Variants in PPP3CC observed in about 807,000 individuals in gnomAD.
The protein encoded by PPP3CC is protein phosphatase 3 catalytic subunit gamma.
A neutral mutation model predicts 60.3 loss-of-function variants in PPP3CC; 35 were observed. The observed-to-expected ratio is 0.58, with a 90% CI of 0.44 to 0.77. The LOEUF (loss-of-function observed/expected upper bound fraction) is 0.77. PPP3CC is among the 30% of genes least tolerant of loss of function. The probability of loss-of-function intolerance (pLI) is 0.00; values close to 1 mark genes in which losing one functional copy is unlikely to be tolerated. For missense variants in PPP3CC, 570 were observed against 628.9 expected (o/e 0.91, Z 1.00); for synonymous variants, 206 against 224.3 (o/e 0.92, Z 0.73).
intron 3 of PPP3CC, chr8:22,492,682 G>A (rs1586829950): frequency 1.2e-6 from 1 of 812,722 alleles, no homozygotes. Flanking sequence ...GCATTGGTGG[G>A]AAAGAAATGG....
intron 3 of PPP3CC, among the ~76,000 whole-genome samples, chr8:22,482,290 A>T (rs1484561153): frequency 1.3e-5 from 2 of 152,224 alleles, no homozygotes; most frequent in Middle Eastern, 3.4e-3. Context: ...ACCAGTGATG[A>T]TGAGCTTTTT....
At chr8:22,475,434 T>G in intron 2 of PPP3CC, 66 bp from the exon 3 acceptor site, 1 of 1,500,236 alleles carries the variant, frequency 6.7e-7, no homozygotes, top group Non-Finnish European at 9.1e-7. Context: ...TGTGATCCCT[T>G]TTGGTGTAAT....
In PPP3CC at chr8:22,479,108, G is replaced by A. The variant is rs537553977; in HGVS notation, c.372+3484G>A. ...TATAGGCTATAGCTTACTCTAACAT[G>A]TTGCAAGTATACACTTGAAAAATAA... On this transcript the variant is annotated intron_variant, in intron 3 of 13. Coordinates refer to ENST00000240139, the MANE Select transcript of PPP3CC (RefSeq NM_005605.5). 2.7e-4 allele frequency among the ~76,000 whole-genome samples: 41 copies of A among 152,162 alleles called. No individual in the cohort carries two copies. In the South Asian group the frequency reaches 8.3e-3, roughly 31 times the overall value.
chr8:22,457,439 A>G (rs1381675278), intron 1 of PPP3CC, among the ~76,000 whole-genome samples: 2 of 151,830 alleles, frequency 1.3e-5, no homozygotes, highest in Admixed American at 1.3e-4. Flanking sequence ...AGTAGCTGGG[A>G]CTACAGGTGC....
chr8:22,473,586 C>A (rs1243980216), intron 1 of PPP3CC, among the ~76,000 whole-genome samples: 1 of 151,866 alleles, frequency 6.6e-6, no homozygotes, highest in African/African-American at 2.4e-5. Flanking sequence ...GCCTCAGCCT[C>A]CCAGGTAGCT....
In PPP3CC at chr8:22,541,015, CTTT is replaced by C; in HGVS notation, c.*217_*219del. The C allele has an allele frequency of 2.8e-6, 1 of 351,650 alleles. No homozygotes were observed. The highest frequency in any genetic ancestry group is 5.0e-6 in the Non-Finnish European group (1 of 201,674). The allele number at this position is 351,650 out of a possible 1,614,324, so 21.8% of individuals were successfully genotyped here. ...AAAAGTGCATCTGTTTTGTTTTTCC[CTTT>C]TTTCTCCATAATTTTAAGAAATGAA... On this transcript the variant is annotated 3_prime_UTR_variant, in exon 14 of 14. Coordinates refer to ENST00000240139, the MANE Select transcript of PPP3CC (RefSeq NM_005605.5).
intron 4 of PPP3CC, among the ~76,000 whole-genome samples, chr8:22,506,670 A>C (rs2443497): frequency 0.33 from 50,301 of 151,956 alleles, 10,020 homozygotes; most frequent in East Asian, 0.6. Context: ...GGCCAGGCAC[A>C]GTGGCTCACG....
chr8:22,512,582 C>G (rs1331678334), intron 5 of PPP3CC, among the ~76,000 whole-genome samples: 1 of 152,114 alleles, frequency 6.6e-6, no homozygotes, highest in Non-Finnish European at 1.5e-5. Context: ...TGAACAGAAC[C>G]ATTGTAAAAC....
chr8:22,522,055 G>GT, intron 6 of PPP3CC, among the ~76,000 whole-genome samples: 1 of 151,668 alleles, frequency 6.6e-6, no homozygotes, highest in South Asian at 2.1e-4. Context: ...CTGTGAAGCT[G>GT]TAAGTATATT....
intron 3 of PPP3CC, among the ~76,000 whole-genome samples, chr8:22,483,997 A>T (rs1586820717): frequency 6.7e-6 from 1 of 149,638 alleles, no homozygotes; most frequent in Non-Finnish European, 1.5e-5. Flanking sequence ...GTGTGCTACC[A>T]CACTTGGCTA....
chr8:22,516,620 CCTCA>C (rs1245513091), intron 6 of PPP3CC, among the ~76,000 whole-genome samples: 1 of 152,236 alleles, frequency 6.6e-6, no homozygotes, highest in Non-Finnish European at 1.5e-5. Context: ...ATTTGAGTCA[CCTCA>C]CTCACATGTT....
At position 22,475,597 on chromosome 8, in the gene PPP3CC, T is replaced by A; in HGVS notation, c.345T>A (p.Tyr115Ter). The A allele has an allele frequency of 6.2e-7, 1 of 1,613,478 alleles. No individual in the cohort carries two copies. Among genetic ancestry groups the A allele is most frequent in the South Asian group, 1.1e-5 (1 of 91,054 alleles). The change falls in exon 3 of 14, where the codon TAT becomes TAA. Residue 115 changes from tyrosine (Y) to a stop codon, truncating the protein, a stop_gained. Transcript: ENST00000240139. LOFTEE classifies it high-confidence loss of function. ...SNTRYLFLGD[Y>*]VDRGYFSIEC... The stretch of plus-strand genomic sequence containing the variant: ...CACGCTACCTCTTTCTGGGTGACTA[T>A]GTGGACAGAGGCTATTTCAGTATAG...
intron 1 of PPP3CC, among the ~76,000 whole-genome samples, chr8:22,457,033 C>T (rs1586790723): frequency 9.5e-6 from 1 of 105,320 alleles, no homozygotes. Flanking sequence ...CCCTTCCTCC[C>T]TTCCTCCCTC....
At chr8:22,488,304 TTA>T (rs1478081236) in intron 3 of PPP3CC, among the ~76,000 whole-genome samples, 1 of 152,230 alleles carries the variant, frequency 6.6e-6, no homozygotes, top group Non-Finnish European at 1.5e-5. Context: ...ACAAGGTTAT[TTA>T]TATGTGTCTA....
chr8:22,513,332 T>G lies in PPP3CC; in HGVS notation c.670T>G (p.Cys224Gly). Residue 224 changes from cysteine to glycine, a missense_variant, in exon 6 of 14, where the codon TGT (cysteine) becomes GGT (glycine). Coordinates refer to ENST00000240139, the MANE Select transcript of PPP3CC (RefSeq NM_005605.5). ...FTEPPAFGPV[C>G]DLLWSDPSED... ...GGAACCTCCCGCCTTTGGACCTGTGTGTGACCTGCTTTGGTCTGATCCCTC... is the reference window on the plus strand; with the variant it reads ...GGAACCTCCCGCCTTTGGACCTGTGGGTGACCTGCTTTGGTCTGATCCCTC... The G allele has an allele frequency of 6.2e-7, 1 of 1,613,842 alleles. No homozygotes were observed. Among genetic ancestry groups the G allele is most frequent in the Non-Finnish European group, 8.5e-7 (1 of 1,179,862 alleles).
chr8:22,487,867 T>C (rs1449138813), intron 3 of PPP3CC, among the ~76,000 whole-genome samples: 1 of 152,226 alleles, frequency 6.6e-6, no homozygotes, highest in Non-Finnish European at 1.5e-5. Context: ...GAAATGATTC[T>C]GGAGGCAGAG....
At chr8:22,513,728 T>A (rs1045418088) in intron 6 of PPP3CC, among the ~76,000 whole-genome samples, 16 of 152,156 alleles carry the variant, frequency 1.1e-4, no homozygotes, top group East Asian at 1.9e-4. Flanking sequence ...TACACTTTTT[T>A]AAAAAAAATT....
chr8:22,457,371 C>G (rs966407496), intron 1 of PPP3CC, among the ~76,000 whole-genome samples: 1 of 150,776 alleles, frequency 6.6e-6, no homozygotes, highest in African/African-American at 2.4e-5. Context: ...GGCTGGATCT[C>G]GGCTCACTGC....
intron 3 of PPP3CC, chr8:22,492,889 C>G: frequency 8.7e-7 from 1 of 1,151,004 alleles, no homozygotes; most frequent in Non-Finnish European, 1.3e-6. Context: ...CATGCTGAGA[C>G]AAAGCAGCTG....
Sources: allele counts gnomAD v4.1 joint callset (sites outside exome capture counted in the v4.1 genomes callset), GRCh38; gene constraint gnomAD v4.1.1; transcripts MANE v1.5; gene names NCBI Gene and HGNC (gene_info 2026-07-23, HGNC 2026-07-21).